KEL: variants seen among roughly 807,000 people sequenced by gnomAD.
The protein encoded by KEL is Kell metallo-endopeptidase (Kell blood group).
KEL carries 96 observed loss-of-function variants against 99.5 expected under a neutral mutation model. That is an observed-to-expected ratio of 0.97 (90% CI 0.82 to 1.14). The LOEUF (loss-of-function observed/expected upper bound fraction) is 1.14. Ranked by LOEUF, KEL falls within the 50% of genes most tolerant of loss-of-function variation. The pLI, the probability that KEL is intolerant of heterozygous loss-of-function variation, is 0.00. For missense variants in KEL, 926 were observed against 924.2 expected (o/e 1.00, Z -0.03); for synonymous variants, 355 against 354.8 (o/e 1.00, Z -0.01).
intron 9 of KEL, chr7:142,953,439 G>A: frequency 2.0e-5 from 19 of 960,676 alleles, no homozygotes; most frequent in Non-Finnish European, 2.4e-5. Context: ...GTCCTCAGCT[G>A]CTAAAAAGAC....
chr7:142,961,130 AAAG>A, intron 3 of KEL, 26 bp from the exon 4 acceptor site: 1 of 1,612,428 alleles, frequency 6.2e-7, no homozygotes, highest in Non-Finnish European at 8.5e-7. Flanking sequence ...CAGAGCTGGG[AAAG>A]AAGAGGCAAA....
At chr7:142,961,307 C>G in intron 3 of KEL, 53 bp downstream of exon 3, 1 of 1,610,812 alleles carries the variant, frequency 6.2e-7, no homozygotes, top group East Asian at 2.2e-5. Flanking sequence ...TGGGCCTGGG[C>G]CCCAGGGCTG....
At chr7:142,949,760 T>C (rs554803752) in intron 10 of KEL, among the ~76,000 whole-genome samples, 15 of 152,284 alleles carry the variant, frequency 9.9e-5, no homozygotes, top group East Asian at 1.9e-4. Flanking sequence ...CTGAATAAAA[T>C]TGCAAATGAT....
At chr7:142,952,817 G>A (rs1796723405) in intron 9 of KEL, among the ~76,000 whole-genome samples, 179 bp from the exon 10 acceptor site, 1 of 152,132 alleles carries the variant, frequency 6.6e-6, no homozygotes, top group African/African-American at 2.4e-5. Context: ...AGGTTGGGGT[G>A]GGATCTAGCT....
Position 142,944,343 on chromosome 7 carries a change from C to T in KEL, c.1471G>A (p.Ala491Thr). The change falls in exon 13 of 19, where the codon GCC becomes ACC. Residue 491 changes from alanine (A) to threonine (T), a missense_variant. Ala to Thr is a moderately conservative substitution (Grantham distance 58). Coordinates refer to ENST00000355265, the MANE Select transcript of KEL (RefSeq NM_000420.3). ...ASEWALKPELARQEYNDIQLG... is the reference protein window; with the variant it reads ...ASEWALKPELTRQEYNDIQLG... ...CCCACATCGTTGTATTCTTGTCGGG[C>T]CAGCTCTGGCTTCAGGGCCCATTCT... The T allele has an allele frequency of 6.2e-7, 1 of 1,614,018 alleles. No homozygotes were observed. Among genetic ancestry groups the T allele is most frequent in the Non-Finnish European group, 8.5e-7 (1 of 1,179,890 alleles).
In KEL at chr7:142,953,908, TG is replaced by T; in HGVS notation, c.972del (p.Phe324LeufsTer6). On this transcript the variant is annotated frameshift_variant, in exon 9 of 19. Transcript: ENST00000355265. LOFTEE classifies it high-confidence loss of function. ...TGAGAAGGGCTCAGGGACATCGGTG[TG>T]AATGTCGCTTGCAAGCAGGACAACC... ...IDWLSCLQAT[F>X]TPMSLSPSQS... The T allele has an allele frequency of 1.2e-6, 2 of 1,613,954 alleles. No homozygotes were observed. Among genetic ancestry groups the T allele is most frequent in the Non-Finnish European group, 1.7e-6 (2 of 1,179,990 alleles).
At chr7:142,958,961 C>G (rs534415812) in intron 4 of KEL, among the ~76,000 whole-genome samples, 11 of 152,184 alleles carry the variant, frequency 7.2e-5, no homozygotes, top group African/African-American at 2.6e-4. Flanking sequence ...TGGAAGCCAC[C>G]CCCACCCCTT....
chr7:142,947,392 C>G (rs1201686241), intron 10 of KEL, among the ~76,000 whole-genome samples: 1 of 152,000 alleles, frequency 6.6e-6, no homozygotes, highest in Non-Finnish European at 1.5e-5. Context: ...TATGTACATC[C>G]CACTACAGGA....
At chr7:142,943,165 G>A (rs1796413911) in intron 16 of KEL, 111 bp downstream of exon 16, 5 of 1,544,286 alleles carry the variant, frequency 3.2e-6, no homozygotes, top group Non-Finnish European at 4.4e-6. Flanking sequence ...AAGTTCCCAG[G>A]ACTGCCCCAC....
At chr7:142,954,014 G>A in intron 8 of KEL, 58 bp from the exon 9 acceptor site, 1 of 1,585,948 alleles carries the variant, frequency 6.3e-7, no homozygotes, top group Non-Finnish European at 8.6e-7. Context: ...AGGGGAAAGG[G>A]CTTCCCCTTG....
chr7:142,954,456 C>T lies in KEL; in HGVS notation c.735+9G>A, dbSNP rs905080297. The T allele has an allele frequency of 2.4e-5, 39 of 1,613,236 alleles. No homozygotes were observed. Among genetic ancestry groups the T allele is most frequent in the Non-Finnish European group, 3.2e-5 (38 of 1,179,310 alleles). ...AGAGGGCAGGGCCTTTGTCCATGTG[C>T]CATCTTACCTGGGCATAGATCTTCT... is the stretch of plus-strand genomic sequence containing the variant. On this transcript the variant is annotated intron_variant, in intron 7 of 18. Transcript: ENST00000355265.
intron 7 of KEL, 43 bp from the exon 8 acceptor site, chr7:142,954,415 C>A (rs763425107): frequency 4.3e-6 from 7 of 1,611,566 alleles, no homozygotes; most frequent in Non-Finnish European, 5.9e-6. Flanking sequence ...GAGGTCCCTG[C>A]TTTTCTCCTG....
In KEL at chr7:142,954,443, C is replaced by T; in HGVS notation, c.735+22G>A. Reference sequence around the variant, plus strand: ...TTCTCCTGGCCTCAGAGGGCAGGGCCTTTGTCCATGTGCCATCTTACCTGG... The same window carrying T: ...TTCTCCTGGCCTCAGAGGGCAGGGCTTTTGTCCATGTGCCATCTTACCTGG... On this transcript the variant is annotated intron_variant, in intron 7 of 18. Transcript: ENST00000355265. 5 of 1,612,328 alleles carry T rather than the reference C, an allele frequency of 3.1e-6. No homozygotes were observed. In the South Asian group the frequency reaches 5.5e-5, roughly 18 times the overall value.
chr7:142,946,368 A>G, intron 10 of KEL, 51 bp from the exon 11 acceptor site: 1 of 1,381,164 alleles, frequency 7.2e-7, no homozygotes, highest in East Asian at 2.4e-5. Flanking sequence ...CTCTTTCCTC[A>G]TCTGTCTCCC....
chr7:142,944,324 T>A lies in KEL; in HGVS notation c.1490A>T (p.Asp497Val), dbSNP rs1286534156. 3 of 1,612,784 alleles carry A rather than the reference T, an allele frequency of 1.9e-6. No individual in the cohort carries two copies. The South Asian group carries it at 3.3e-5, about 18-fold the overall frequency. The change falls in exon 13 of 19, where the codon GAT (aspartate) becomes GTT (valine). Residue 497 changes from aspartate to valine, a missense_variant and splice_region_variant. Coordinates refer to ENST00000355265, the MANE Select transcript of KEL (RefSeq NM_000420.3). ...GAGCTGGAAAACACAGGGACCCACA[T>A]CGTTGTATTCTTGTCGGGCCAGCTC... is the stretch of plus-strand genomic sequence containing the variant. ...KPELARQEYN[D>V]IQLGSSFLQS...
In KEL at chr7:142,958,413, C is replaced by T. The variant is rs933679735; in HGVS notation, c.416G>A (p.Trp139Ter). The T allele has an allele frequency of 6.2e-7, 1 of 1,614,022 alleles. No homozygotes were observed. The highest frequency in any genetic ancestry group is 8.5e-7 in the Non-Finnish European group (1 of 1,180,022). Residue 139 changes from tryptophan (W) to a stop codon, truncating the protein, a stop_gained, in exon 5 of 19, where the codon TGG becomes TAG. Coordinates refer to ENST00000355265, the MANE Select transcript of KEL (RefSeq NM_000420.3). LOFTEE classifies it high-confidence loss of function. ...TTTCTCCTCCCCAGAGCCTGGGTGCCAGGAATTCTGGACCTCTAGAAAGGA... is the reference window on the plus strand; with the variant it reads ...TTTCTCCTCCCCAGAGCCTGGGTGCTAGGAATTCTGGACCTCTAGAAAGGA... Reference protein sequence around the residue: ...LRRILEVQNSWHPGSGEEKAF... With the variant: ...LRRILEVQNS
At position 142,958,502 on chromosome 7, in the gene KEL, T is replaced by A; in HGVS notation, c.401-74A>T. ...TTGCCCCAAATTCCTATCAAAGGGG[T>A]CTGGGGAGTCATGCCCTATATCATA... On this transcript the variant is annotated intron_variant, in intron 4 of 18. Transcript: ENST00000355265. 11 of 1,440,318 alleles carry A rather than the reference T, an allele frequency of 7.6e-6. No homozygotes were observed. The South Asian group carries it at 1.2e-4, about 15-fold the overall frequency. 89.2% of individuals were successfully genotyped at this position (1,440,318 alleles called of 1,614,324 possible).
chr7:142,958,345 C>T lies in KEL; in HGVS notation c.484G>A (p.Glu162Lys), dbSNP rs1215806158. The T allele has an allele frequency of 6.2e-7, 1 of 1,614,042 alleles. No homozygotes were observed. Among genetic ancestry groups the T allele is most frequent in the East Asian group, 2.2e-5 (1 of 44,888 alleles). Residue 162 changes from glutamate to lysine, a missense_variant, in exon 5 of 19, where the codon GAA (glutamate) becomes AAA (lysine). By Grantham distance (56) the Glu-to-Lys change is moderately conservative. Coordinates refer to ENST00000355265, the MANE Select transcript of KEL (RefSeq NM_000420.3). ...YNSCMDTLAI[E>K]AAGTGPLRQV... ...CTGAGGGGACCAGTCCCTGCAGCTT[C>T]AATGGCAAGTGTATCCATGCAGGAG... is the stretch of plus-strand genomic sequence containing the variant.
intron 1 of KEL, 145 bp downstream of exon 1, chr7:142,962,059 C>T (rs573862996): frequency 1.1e-5 from 18 of 1,610,398 alleles, no homozygotes; most frequent in African/African-American, 5.3e-5. Flanking sequence ...TGCCATTTCT[C>T]GATCCCTCTC....
Sources: allele counts gnomAD v4.1 joint callset (sites outside exome capture counted in the v4.1 genomes callset), GRCh38; gene constraint gnomAD v4.1.1; transcripts MANE v1.5; gene names NCBI Gene and HGNC (gene_info 2026-07-23, HGNC 2026-07-21).